NOC3L: variants seen among roughly 807,000 people sequenced by gnomAD.
The protein encoded by NOC3L is NOC3 like DNA replication regulator.
A neutral mutation model predicts 102.5 loss-of-function variants in NOC3L; 85 were observed. That is an observed-to-expected ratio of 0.83 (90% CI 0.70 to 0.99). The LOEUF is 0.99. Ranked by LOEUF, NOC3L falls within the 50% of genes least tolerant of loss-of-function variation. NOC3L has a pLI of 0.00. For synonymous variants in NOC3L, 303 were observed against 309.4 expected, an observed-to-expected ratio of 0.98 and a Z score of 0.22; for missense variants, 878 against 914.9, an observed-to-expected ratio of 0.96 and a Z score of 0.52.
intron 11 of NOC3L, among the ~76,000 whole-genome samples, chr10:94,345,447 T>C (rs1376092487): frequency 6.6e-6 from 1 of 152,072 alleles, no homozygotes; most frequent in African/African-American, 2.4e-5. Flanking sequence ...CAATAAAATA[T>C]CCTTTTTTTT....
At chr10:94,352,445 C>T (rs2134004402) in intron 7 of NOC3L, 42 bp from the exon 8 acceptor site, 1 of 1,300,324 alleles carries the variant, frequency 7.7e-7, no homozygotes, top group Non-Finnish European at 1.1e-6. Flanking sequence ...AAAATCAGAA[C>T]ATTAAAAGCC....
chr10:94,315,257 A>C, the NOC3L span: 1 of 369,758 alleles, frequency 2.7e-6, no homozygotes. Flanking sequence ...TCAGTCCATC[A>C]CATTCTGCTT....
intron 11 of NOC3L, among the ~76,000 whole-genome samples, chr10:94,345,528 T>C (rs973053408): frequency 6.6e-6 from 1 of 152,102 alleles, no homozygotes; most frequent in Non-Finnish European, 1.5e-5. Context: ...AACTGAAAAA[T>C]TGTTTCCTTC....
intron 6 of NOC3L, among the ~76,000 whole-genome samples, chr10:94,354,253 A>T (rs1227140792): frequency 6.6e-6 from 1 of 152,254 alleles, no homozygotes; most frequent in Non-Finnish European, 1.5e-5. Flanking sequence ...AATACTTGTT[A>T]TAATAGTATG....
chr10:94,324,020 A>C, the NOC3L span, among the ~76,000 whole-genome samples: 3 of 152,226 alleles, frequency 2.0e-5, no homozygotes, highest in Admixed American at 2.0e-4. Flanking sequence ...TGGTACATGC[A>C]GAAAATCTGG....
In NOC3L at chr10:94,362,831, G is replaced by A. The variant is rs374022270; in HGVS notation, c.8C>T (p.Ala3Val). The change falls in exon 1 of 21, where the codon GCG (alanine) becomes GTG (valine). Residue 3 changes from alanine to valine, a missense_variant and splice_region_variant. Coordinates refer to ENST00000371361, the MANE Select transcript of NOC3L (RefSeq NM_022451.11). ...GACCGGGCTTTTGAGGACACTTACC[G>A]CCTTCATCCTTAGGCCTTAAATGAA... MK[A>V]RRNKKQIPSF... The A allele has an allele frequency of 3.0e-5, 49 of 1,614,054 alleles. No individual in the cohort carries two copies. In the African/African-American group the frequency reaches 5.5e-4, roughly 18 times the overall value.
intron 6 of NOC3L, among the ~76,000 whole-genome samples, 163 bp downstream of exon 6, chr10:94,354,800 C>A (rs571105468): frequency 4.7e-4 from 72 of 152,194 alleles, no homozygotes; most frequent in Non-Finnish European, 9.3e-4. Context: ...TCAGACATAG[C>A]ATTAAGCTAA....
intron 10 of NOC3L, among the ~76,000 whole-genome samples, chr10:94,347,778 T>C (rs376705125): frequency 1.3e-5 from 2 of 152,020 alleles, no homozygotes; most frequent in East Asian, 3.8e-4. Flanking sequence ...TGGCAAGATA[T>C]GATATTCTTG....
intron 8 of NOC3L, among the ~76,000 whole-genome samples, chr10:94,351,625 T>A (rs920448617): frequency 6.6e-6 from 1 of 152,044 alleles, no homozygotes; most frequent in Admixed American, 6.5e-5. Flanking sequence ...ACTTCTGGAC[T>A]CAAGTGATCC....
At chr10:94,335,455 G>T (rs78319279) in intron 19 of NOC3L, among the ~76,000 whole-genome samples, 9 of 152,190 alleles carry the variant, frequency 5.9e-5, no homozygotes, top group African/African-American at 2.2e-4. Context: ...AAAAAAAAAG[G>T]CTGGTGGGGT....
At chr10:94,322,747 T>C in the NOC3L span, among the ~76,000 whole-genome samples, 1 of 151,252 alleles carries the variant, frequency 6.6e-6, no homozygotes, top group Non-Finnish European at 1.5e-5. Context: ...ATCATGCCAT[T>C]GCGCGTCAGC....
At chr10:94,331,853 T>G (rs925012669), downstream of NOC3L, 3 of 150,502 alleles carry the variant, frequency 2.0e-5, no homozygotes, top group African/African-American at 7.4e-5. Context: ...TGAGTCTCTA[T>G]GATTACCAAG....
intron 13 of NOC3L, among the ~76,000 whole-genome samples, chr10:94,342,553 TACAC>T (rs3052367): frequency 0.39 from 57,736 of 147,964 alleles, 11,767 homozygotes; most frequent in Admixed American, 0.51. Flanking sequence ...TGCATGAAGA[TACAC>T]ACACACACAC....
chr10:94,353,229 A>C (rs2054443152), intron 6 of NOC3L, among the ~76,000 whole-genome samples, 172 bp from the exon 7 acceptor site: 1 of 152,232 alleles, frequency 6.6e-6, no homozygotes, highest in Admixed American at 6.5e-5. Context: ...TAAGTCACTA[A>C]AGTCATAAAG....
At chr10:94,348,405 G>A (rs1489406095) in intron 10 of NOC3L, among the ~76,000 whole-genome samples, 1 of 151,778 alleles carries the variant, frequency 6.6e-6, no homozygotes, top group African/African-American at 2.4e-5. Context: ...GTAACAAAGA[G>A]TTAATATTCT....
chr10:94,319,259 T>C, the NOC3L span, among the ~76,000 whole-genome samples: 1 of 152,236 alleles, frequency 6.6e-6, no homozygotes, highest in African/African-American at 2.4e-5. Context: ...TCTCAAAAGA[T>C]AACTAAATTT....
At chr10:94,356,705 G>A in intron 4 of NOC3L, 114 bp from the exon 5 acceptor site, 1 of 686,672 alleles carries the variant, frequency 1.5e-6, no homozygotes, top group Non-Finnish European at 2.5e-6. Flanking sequence ...ACTTTTATGG[G>A]AAGAGCACAA....
At position 94,346,422 on chromosome 10, in the gene NOC3L, A is replaced by G. The variant is rs767854034; in HGVS notation, c.1389+3T>C. The G allele has an allele frequency of 6.7e-7, 1 of 1,487,872 alleles. No individual in the cohort carries two copies. The highest frequency in any genetic ancestry group is 2.6e-5 in the East Asian group (1 of 37,798). The allele number at this position is 1,487,872 out of a possible 1,614,324, so 92.2% of individuals were successfully genotyped here. On this transcript the variant is annotated splice_donor_region_variant and intron_variant, in intron 11 of 20. Coordinates refer to ENST00000371361, the MANE Select transcript of NOC3L (RefSeq NM_022451.11). ...ATGAAACAAAAGGGGAAATAAGTCA[A>G]ACCTTTCTCTGCATTCTTGATAGAG...
chr10:94,341,108 G>A (rs563646257), intron 14 of NOC3L, among the ~76,000 whole-genome samples: 9 of 152,034 alleles, frequency 5.9e-5, no homozygotes, highest in African/African-American at 2.2e-4. Context: ...GGAAGGTCAA[G>A]GCTGCAGTGA....
Sources: gnomAD v4.1 joint callset for allele counts (sites outside exome capture counted in the v4.1 genomes callset) on GRCh38, gnomAD v4.1.1 for gene constraint, MANE v1.5 for transcripts, NCBI Gene and HGNC (gene_info 2026-07-23, HGNC 2026-07-21) for gene names.